IL17A: variants seen among roughly 807,000 people sequenced by gnomAD.
The protein encoded by IL17A is interleukin 17A.
IL17A carries 1 observed loss-of-function variant against 7.2 expected under a neutral mutation model. The observed-to-expected ratio is 0.14, with a 90% confidence interval of 0.05 to 0.66. The LOEUF (loss-of-function observed/expected upper bound fraction) is 0.66, where lower values mean the gene tolerates loss of function less well. Ranked by LOEUF, IL17A falls within the 30% of genes least tolerant of loss-of-function variation. The pLI is 0.84. For synonymous variants in IL17A, 90 were observed against 77.7 expected (o/e 1.16, Z -0.83); for missense variants, 191 against 197.1 (o/e 0.97, Z 0.18).
In IL17A at chr6:52,189,038, T is replaced by G. The variant is rs778737710; in HGVS notation, c.231-17T>G. On this transcript the variant is annotated splice_polypyrimidine_tract_variant and intron_variant, in intron 2 of 2. Coordinates refer to ENST00000648244, the MANE Select transcript of IL17A (RefSeq NM_002190.3). Reference sequence around the variant, plus strand: ...ACCAGGAATTCACTTTCCTCCTGATTTTTCTCCCCTCTGCAGCCGCAATGA... The same window carrying G: ...ACCAGGAATTCACTTTCCTCCTGATGTTTCTCCCCTCTGCAGCCGCAATGA... 7.6e-6 allele frequency: 12 copies of G among 1,584,078 alleles called. No individual in the cohort carries two copies. The highest frequency in any genetic ancestry group is 1.7e-5 in the Admixed American group (1 of 59,628).
chr6:52,186,823 A>G (rs1763293271), intron 1 of IL17A, among the ~76,000 whole-genome samples: 2 of 152,198 alleles, frequency 1.3e-5, no homozygotes, highest in Non-Finnish European at 2.9e-5. Context: ...ACTATCCTTG[A>G]GATTTTGAAA....
Position 52,187,698 on chromosome 6 carries a change from C to T in IL17A, c.123C>T (p.Phe41=), listed in dbSNP as rs373916128. The stretch of plus-strand genomic sequence containing the variant: ...GCCCAAATTCTGAGGACAAGAACTT[C>T]CCCCGGACTGTGATGGTCAACCTGA... ...PGCPNSEDKN[F]PRTVMVNLNI... is the part of the protein sequence containing the mutation. Residue 41 remains phenylalanine, a synonymous_variant, in exon 2 of 3, where the codon TTC becomes TTT. Coordinates refer to ENST00000648244, the MANE Select transcript of IL17A (RefSeq NM_002190.3). 52 of 1,613,816 alleles carry T rather than the reference C, an allele frequency of 3.2e-5. No individual in the cohort carries two copies. The highest frequency in any genetic ancestry group is 4.2e-5 in the Non-Finnish European group (50 of 1,179,826).
intron 1 of IL17A, 80 bp from the exon 2 acceptor site, chr6:52,187,523 A>G: frequency 9.2e-7 from 1 of 1,085,860 alleles, no homozygotes; most frequent in Non-Finnish European, 1.4e-6. Flanking sequence ...GCAATGCATC[A>G]TCATCACAAT....
Position 52,189,345 on chromosome 6 carries a change from C to A in IL17A, c.*53C>A. 7.3e-7 allele frequency: 1 copy of A among 1,375,564 alleles called. No individual in the cohort carries two copies. The highest frequency in any genetic ancestry group is 1.0e-6 in the Non-Finnish European group (1 of 976,068). The allele number at this position is 1,375,564 out of a possible 1,614,324, so 85.2% of individuals were successfully genotyped here. A position where few individuals can be genotyped will look rare whatever the true frequency, so the allele number is the denominator to read the frequency against. On this transcript the variant is annotated 3_prime_UTR_variant, in exon 3 of 3. Transcript: ENST00000648244. ...AGCAGTTAGACTATGGAGAGCCGAC[C>A]CAGCCCCTCAGGAACCCTCATCCTT... is the stretch of plus-strand genomic sequence containing the variant.
chr6:52,186,385 T>A lies in IL17A; in HGVS notation c.-47T>A, dbSNP rs1763284291. 9.3e-6 allele frequency: 15 copies of A among 1,604,534 alleles called. No individual in the cohort carries two copies. The East Asian group carries it at 3.3e-4, about 36-fold the overall frequency. Reference sequence around the variant, plus strand: ...ATAGCGCTACATTTTGTCCATCTCATAGCAGGCACAAACTCATCCATCCCC... The same window carrying A: ...ATAGCGCTACATTTTGTCCATCTCAAAGCAGGCACAAACTCATCCATCCCC... On this transcript the variant is annotated 5_prime_UTR_variant, in exon 1 of 3. Transcript: ENST00000648244.
In IL17A at chr6:52,187,591, A is replaced by T; in HGVS notation, c.28-12A>T. On this transcript the variant is annotated splice_polypyrimidine_tract_variant and intron_variant, in intron 1 of 2. Coordinates refer to ENST00000648244, the MANE Select transcript of IL17A (RefSeq NM_002190.3). ...ATCTCCAACCTCTCTCTCCTTTCCC[A>T]TTCAATTCTAGTCACTGCTACTGCT... 6.2e-7 allele frequency: 1 copy of T among 1,608,014 alleles called. No homozygotes were observed.
rs1763295105 is a variant in IL17A at position 52,186,918 on chromosome 6, T to C, written c.27+460T>C. Among the ~76,000 whole-genome samples, 3 of 152,214 alleles carry C rather than the reference T, an allele frequency of 2.0e-5. No homozygotes were observed. In the South Asian group the frequency reaches 6.2e-4, roughly 32 times the overall value. On this transcript the variant is annotated intron_variant, in intron 1 of 2. Transcript: ENST00000648244. ...ACTATGTATTCTAACTAAACATAGGTATAACTGTGTTTTAGAATAAGTGGG... is the reference window on the plus strand; with the variant it reads ...ACTATGTATTCTAACTAAACATAGGCATAACTGTGTTTTAGAATAAGTGGG...
Position 52,186,418 on chromosome 6 carries a change from T to C in IL17A, c.-14T>C, listed in dbSNP as rs760224158. 4 of 1,613,720 alleles carry C rather than the reference T, an allele frequency of 2.5e-6. No homozygotes were observed. In the South Asian group the frequency reaches 3.3e-5, roughly 13 times the overall value. ...ACAAACTCATCCATCCCCAGTTGAT[T>C]GGAAGAAACAACGATGACTCCTGGG... On this transcript the variant is annotated 5_prime_UTR_variant, in exon 1 of 3. Transcript: ENST00000648244.
intron 1 of IL17A, among the ~76,000 whole-genome samples, chr6:52,186,957 A>T (rs1763295860): frequency 6.6e-6 from 1 of 152,192 alleles, no homozygotes; most frequent in Non-Finnish European, 1.5e-5. Context: ...TATATTTTTT[A>T]AATATTTAAC....
At chr6:52,188,877 T>C (rs1763327736) in intron 2 of IL17A, among the ~76,000 whole-genome samples, 178 bp from the exon 3 acceptor site, 2 of 152,036 alleles carry the variant, frequency 1.3e-5, no homozygotes, top group Admixed American at 6.5e-5. Flanking sequence ...ATTCACGTGC[T>C]TGAAAAAAAA....
Position 52,189,356 on chromosome 6 carries a change from G to C in IL17A, c.*64G>C. On this transcript the variant is annotated 3_prime_UTR_variant, in exon 3 of 3. Transcript: ENST00000648244. ...TATGGAGAGCCGACCCAGCCCCTCA[G>C]GAACCCTCATCCTTCAAAGACAGCC... 3.3e-6 allele frequency: 4 copies of C among 1,213,986 alleles called. No homozygotes were observed. The highest frequency in any genetic ancestry group is 4.8e-6 in the Non-Finnish European group (4 of 836,724). 75.2% of individuals were successfully genotyped at this position (1,213,986 alleles called of 1,614,324 possible). A position where few individuals can be genotyped will look rare whatever the true frequency, so the allele number is the denominator to read the frequency against.
In IL17A at chr6:52,186,375, G is replaced by T. The variant is rs947815261; in HGVS notation, c.-57G>T. 2 of 1,574,452 alleles carry T rather than the reference G, an allele frequency of 1.3e-6. No homozygotes were observed. Among genetic ancestry groups the T allele is most frequent in the African/African-American group, 1.3e-5 (1 of 74,228 alleles). ...AAGAGAGACGATAGCGCTACATTTTGTCCATCTCATAGCAGGCACAAACTC... is the reference window on the plus strand; with the variant it reads ...AAGAGAGACGATAGCGCTACATTTTTTCCATCTCATAGCAGGCACAAACTC... On this transcript the variant is annotated 5_prime_UTR_variant, in exon 1 of 3. Transcript: ENST00000648244.
rs559924830 is a variant in IL17A at position 52,190,477 on chromosome 6, G to C, written c.*1185G>C. 6.6e-6 allele frequency: 1 copy of C among 152,196 alleles called. No homozygotes were observed. Among genetic ancestry groups the C allele is most frequent in the East Asian group, 1.9e-4 (1 of 5,176 alleles). The allele number at this position is 152,196 out of a possible 1,614,324, so 9.4% of individuals were successfully genotyped here. A position where few individuals can be genotyped will look rare whatever the true frequency, so the allele number is the denominator to read the frequency against. ...TCTCTTCCTCAAGCAACACTCCTAGGGCCTGGCTTCTGTCTGATCAAGGCA... is the reference window on the plus strand; with the variant it reads ...TCTCTTCCTCAAGCAACACTCCTAGCGCCTGGCTTCTGTCTGATCAAGGCA... On this transcript the variant is annotated 3_prime_UTR_variant, in exon 3 of 3. Transcript: ENST00000648244.
Position 52,189,259 on chromosome 6 carries a change from C to A in IL17A, c.435C>A (p.Thr145=). 1 of 1,614,088 alleles carries A rather than the reference C, an allele frequency of 6.2e-7. No homozygotes were observed. The highest frequency in any genetic ancestry group is 8.5e-7 in the Non-Finnish European group (1 of 1,179,980). Residue 145 remains threonine (T), a synonymous_variant, in exon 3 of 3, where the codon ACC becomes ACA. Transcript: ENST00000648244. ...LEKILVSVGC[T]CVTPIVHHVA ...AGATACTGGTGTCCGTGGGCTGCACCTGTGTCACCCCGATTGTCCACCATG... is the reference window on the plus strand; with the variant it reads ...AGATACTGGTGTCCGTGGGCTGCACATGTGTCACCCCGATTGTCCACCATG...
chr6:52,186,708 C>T (rs992261560), intron 1 of IL17A, among the ~76,000 whole-genome samples: 2 of 152,282 alleles, frequency 1.3e-5, no homozygotes, highest in Admixed American at 6.5e-5. Flanking sequence ...CAAGAAGTGT[C>T]ACATGATGCT....
intron 1 of IL17A, 45 bp downstream of exon 1, chr6:52,186,503 G>C (rs749745973): frequency 1.2e-6 from 2 of 1,604,614 alleles, no homozygotes; most frequent in Non-Finnish European, 1.7e-6. Context: ...ATTTGGACCA[G>C]ATAGTATTTC....
chr6:52,187,237 A>G (rs1763300978), intron 1 of IL17A, among the ~76,000 whole-genome samples: 1 of 152,216 alleles, frequency 6.6e-6, no homozygotes, highest in Admixed American at 6.5e-5. Context: ...TCTACCTAGA[A>G]AATCAAGGTT....
chr6:52,189,213 C>G lies in IL17A; in HGVS notation c.389C>G (p.Pro130Arg), dbSNP rs756665674. 10 of 1,614,146 alleles carry G rather than the reference C, an allele frequency of 6.2e-6. No individual in the cohort carries two copies. In the Admixed American group the frequency reaches 8.3e-5, roughly 13 times the overall value. The change falls in exon 3 of 3, where the codon CCC becomes CGC. Residue 130 changes from proline (P) to arginine (R), a missense_variant. Physicochemically the swap from Pro to Arg is moderately radical, Grantham distance 103. Coordinates refer to ENST00000648244, the MANE Select transcript of IL17A (RefSeq NM_002190.3). Reference protein sequence around the residue: ...LVLRREPPHCPNSFRLEKILV... With the variant: ...LVLRREPPHCRNSFRLEKILV... ...CTGCGCAGGGAGCCTCCACACTGCC[C>G]CAACTCCTTCCGGCTGGAGAAGATA...
In IL17A at chr6:52,187,802, T is replaced by C. The variant is rs1401456522; in HGVS notation, c.227T>C (p.Leu76Pro). Residue 76 changes from leucine (L) to proline (P), a missense_variant, in exon 2 of 3, where the codon CTC becomes CCC. Physicochemically the swap from Leu to Pro is moderately conservative, Grantham distance 98. Transcript: ENST00000648244. ...YYNRSTSPWN[L>P]HRNEDPERYP... ...AACCGATCCACCTCACCTTGGAATCTCCAGTACGTAAAGCTTCCAGATAAA... is the reference window on the plus strand; with the variant it reads ...AACCGATCCACCTCACCTTGGAATCCCCAGTACGTAAAGCTTCCAGATAAA... 1 of 1,612,570 alleles carries C rather than the reference T, an allele frequency of 6.2e-7. No individual in the cohort carries two copies. Among genetic ancestry groups the C allele is most frequent in the African/African-American group, 1.3e-5 (1 of 74,870 alleles).
Sources: allele counts gnomAD v4.1 joint callset (sites outside exome capture counted in the v4.1 genomes callset), GRCh38; gene constraint gnomAD v4.1.1; transcripts MANE v1.5; gene names NCBI Gene and HGNC (gene_info 2026-07-23, HGNC 2026-07-21).